Variants in TUT4 observed in about 807,000 individuals in gnomAD.
TUT4 encodes terminal uridylyltransferase 4.
TUT4 carries 36 observed loss-of-function variants against 192.2 expected under a neutral mutation model. The observed-to-expected ratio is 0.19, with a 90% CI of 0.14 to 0.25. The LOEUF is 0.25. Ranked by LOEUF, TUT4 falls within the 10% of genes least tolerant of loss-of-function variation. TUT4 has a pLI of 1.00. For synonymous variants in TUT4, 618 were observed against 666.0 expected (o/e 0.93, Z 1.11); for missense variants, 1,493 against 1,957.2 (o/e 0.76, Z 4.47).
Position 52,544,387 on chromosome 1 carries a change from C to T in TUT4, c.-94+8544G>A, listed in dbSNP as rs962542894. Among the ~76,000 whole-genome samples, 4 of 151,802 alleles carry T rather than the reference C, an allele frequency of 2.6e-5. No individual in the cohort carries two copies. In the East Asian group the frequency reaches 5.8e-4, roughly 22 times the overall value. On this transcript the variant is annotated intron_variant, in intron 1 of 29. Coordinates refer to ENST00000257177, the MANE Select transcript of TUT4 (RefSeq NM_001009881.3). Reference sequence around the variant, plus strand: ...CAAACAGACCAGAAATAAACCCTCACATATGTGGTCAAATAATTTTTAACA... The same window carrying T: ...CAAACAGACCAGAAATAAACCCTCATATATGTGGTCAAATAATTTTTAACA...
chr1:52,450,796 T>A (rs575043067), intron 20 of TUT4, among the ~76,000 whole-genome samples: 11 of 152,308 alleles, frequency 7.2e-5, no homozygotes, highest in African/African-American at 2.4e-4. Flanking sequence ...TATTACTTCA[T>A]GCTACCTCAG....
At chr1:52,522,724 G>A (rs1680608017) in intron 2 of TUT4, among the ~76,000 whole-genome samples, 1 of 152,020 alleles carries the variant, frequency 6.6e-6, no homozygotes, top group Non-Finnish European at 1.5e-5. Context: ...TCAGGAGTCT[G>A]AGATCAGCCT....
intron 4 of TUT4, 50 bp downstream of exon 4, chr1:52,509,543 TATG>T (rs895316234): frequency 9.9e-7 from 1 of 1,006,624 alleles, no homozygotes; most frequent in African/African-American, 1.6e-5. Context: ...AAATATTCAA[TATG>T]GTTTTACAAC....
rs146756599 is a variant in TUT4, at chr1:52,542,219, G to A, written c.-94+10712C>T. On this transcript the variant is annotated intron_variant, in intron 1 of 29. Coordinates refer to ENST00000257177, the MANE Select transcript of TUT4 (RefSeq NM_001009881.3). ...GGAAAATGAGAATTTATTGTTTGAC[G>A]GGTACAGAGTTTCAGCTTGGGAAAA... Among the ~76,000 whole-genome samples, 16 of 152,292 alleles carry A rather than the reference G, an allele frequency of 1.1e-4. No homozygotes were observed. In the East Asian group the frequency reaches 2.9e-3, roughly 28 times the overall value.
rs1217986228 is a variant in TUT4, at chr1:52,475,522, G to A, written c.2037C>T (p.Val679=). Reference sequence around the variant, plus strand: ...TTAAGCTCCGTGCAACATTCCTCTTGACTGAAAATGGATCTAGCAAAAGAG... The same window carrying A: ...TTAAGCTCCGTGCAACATTCCTCTTAACTGAAAATGGATCTAGCAAAAGAG... ...RRIAIEDPFS[V]KRNVARSLNS... The change falls in exon 13 of 30, where the codon GTC becomes GTT. Residue 679 remains valine, a synonymous_variant. Transcript: ENST00000257177. 1 of 1,610,602 alleles carries A rather than the reference G, an allele frequency of 6.2e-7. No homozygotes were observed. Among genetic ancestry groups the A allele is most frequent in the Non-Finnish European group, 8.5e-7 (1 of 1,178,438 alleles).
chr1:52,436,210 G>A (rs1653732286), intron 26 of TUT4, among the ~76,000 whole-genome samples: 1 of 152,194 alleles, frequency 6.6e-6, no homozygotes, highest in Admixed American at 6.5e-5. Context: ...AATAGGCTGG[G>A]CACGGTGGCT....
chr1:52,530,064 A>C (rs1682938073), intron 1 of TUT4, among the ~76,000 whole-genome samples: 1 of 152,096 alleles, frequency 6.6e-6, no homozygotes, highest in South Asian at 2.1e-4. Context: ...GCTGGTTTCG[A>C]AGCCCTGAGC....
At chr1:52,552,248 C>A (rs1280996208) in intron 1 of TUT4, among the ~76,000 whole-genome samples, 1 of 152,188 alleles carries the variant, frequency 6.6e-6, no homozygotes, top group Non-Finnish European at 1.5e-5. Context: ...CAGATACCAA[C>A]AGGAGTCTGA....
chr1:52,463,460 C>T lies in TUT4; in HGVS notation c.3069+1610G>A, dbSNP rs564858812. 4.5e-4 allele frequency: 466 copies of T among 1,043,966 alleles called. 1 individual carries two copies. The Middle Eastern group carries it at 8.1e-3, about 18-fold the overall frequency. The allele number at this position is 1,043,966 out of a possible 1,614,324, so 64.7% of individuals were successfully genotyped here. On this transcript the variant is annotated intron_variant, in intron 16 of 29. Coordinates refer to ENST00000257177, the MANE Select transcript of TUT4 (RefSeq NM_001009881.3). Reference sequence around the variant, plus strand: ...TAAGTCATCACTGCCATCTTTACTCCGGGTCTAACAATTTCAAAACCACCG... The same window carrying T: ...TAAGTCATCACTGCCATCTTTACTCTGGGTCTAACAATTTCAAAACCACCG...
chr1:52,455,464 C>T (rs552411353), intron 20 of TUT4, among the ~76,000 whole-genome samples: 1 of 151,622 alleles, frequency 6.6e-6, no homozygotes. Flanking sequence ...AAAAAATTAG[C>T]TGGGCTTGGT....
chr1:52,507,364 T>C (rs989430528), intron 4 of TUT4, among the ~76,000 whole-genome samples: 6 of 152,218 alleles, frequency 3.9e-5, no homozygotes, highest in Admixed American at 6.5e-5. Flanking sequence ...CCCTTCCCTA[T>C]AGTGCAACCT....
chr1:52,445,456 T>G (rs1391217098), intron 24 of TUT4, among the ~76,000 whole-genome samples: 1 of 152,210 alleles, frequency 6.6e-6, no homozygotes, highest in Non-Finnish European at 1.5e-5. Flanking sequence ...CTTGACTGAC[T>G]ATTCTCATTC....
At chr1:52,425,280 T>C in intron 29 of TUT4, 69 bp downstream of exon 29, 1 of 1,523,566 alleles carries the variant, frequency 6.6e-7, no homozygotes, top group African/African-American at 1.4e-5. Flanking sequence ...GATCCTGGCC[T>C]TCACTAAGGC....
chr1:52,448,721 A>G (rs913416482), intron 20 of TUT4, among the ~76,000 whole-genome samples: 1 of 152,128 alleles, frequency 6.6e-6, no homozygotes, highest in Non-Finnish European at 1.5e-5. Context: ...ATCCTTAAAG[A>G]TTCAGACGCT....
chr1:52,471,845 A>T (rs577965935), intron 14 of TUT4, 107 bp downstream of exon 14: 39 of 1,236,314 alleles, frequency 3.2e-5, no homozygotes, highest in Non-Finnish European at 8.8e-6. Context: ...CTATTCAAAA[A>T]CCTCTAGCAA....
chr1:52,472,992 C>T lies in TUT4; in HGVS notation c.2728-890G>A, dbSNP rs1019183080. 3.1e-4 allele frequency among the ~76,000 whole-genome samples: 47 copies of T among 152,086 alleles called. 1 individual carries two copies. Among genetic ancestry groups the T allele is most frequent in the Non-Finnish European group, 7.4e-5 (5 of 67,978 alleles). ...TTAACAGTACTACAAGAATCTCTATCACCTTTTCAAAGCTTTTTTTAAAAA... is the reference window on the plus strand; with the variant it reads ...TTAACAGTACTACAAGAATCTCTATTACCTTTTCAAAGCTTTTTTTAAAAA... On this transcript the variant is annotated intron_variant, in intron 13 of 29. Coordinates refer to ENST00000257177, the MANE Select transcript of TUT4 (RefSeq NM_001009881.3).
chr1:52,498,880 C>A (rs1360275782), intron 4 of TUT4, among the ~76,000 whole-genome samples: 1 of 106,100 alleles, frequency 9.4e-6, no homozygotes, highest in Non-Finnish European at 1.8e-5. Context: ...GAGCAAGACT[C>A]CATTACAAAA....
chr1:52,509,322 C>A (rs1478380433), intron 4 of TUT4, among the ~76,000 whole-genome samples: 1 of 152,166 alleles, frequency 6.6e-6, no homozygotes. Context: ...AAGTAGCACA[C>A]AAGAACTCAA....
chr1:52,423,607 T>C lies in TUT4; in HGVS notation c.*328A>G. ...TTTTTTAAATTCTCTCTTTATACAATTCATCAAGGTTAAACAAAACATAAA... is the reference window on the plus strand; with the variant it reads ...TTTTTTAAATTCTCTCTTTATACAACTCATCAAGGTTAAACAAAACATAAA... On this transcript the variant is annotated 3_prime_UTR_variant, in exon 30 of 30. Transcript: ENST00000257177. 3 of 366,014 alleles carry C rather than the reference T, an allele frequency of 8.2e-6. No individual in the cohort carries two copies. Among genetic ancestry groups the C allele is most frequent in the South Asian group, 7.5e-5 (3 of 40,102 alleles). 22.7% of individuals were successfully genotyped at this position (366,014 alleles called of 1,614,324 possible).
Sources: gnomAD v4.1 joint callset for allele counts (sites outside exome capture counted in the v4.1 genomes callset) on GRCh38, gnomAD v4.1.1 for gene constraint, MANE v1.5 for transcripts, NCBI Gene and HGNC (gene_info 2026-07-23, HGNC 2026-07-21) for gene names.